Variants in AMD1 observed in about 807,000 individuals in gnomAD.
AMD1 encodes the protein S-adenosylmethionine decarboxylase proenzyme.
A neutral mutation model predicts 40.2 loss-of-function variants in AMD1; 11 were observed. The ratio of observed to expected loss-of-function variants is 0.27; its 90% CI spans 0.17 to 0.45. The LOEUF is 0.45. Among genes scored for constraint, AMD1 ranks in the 20% least tolerant of loss-of-function variants. The pLI is 1.00. For missense variants in AMD1, 257 were observed against 410.2 expected (o/e 0.63, Z 3.23); for synonymous variants, 121 against 130.8 (o/e 0.93, Z 0.51).
At chr6:110,858,419 T>A in the AMD1 span, 2 of 858,132 alleles carry the variant, frequency 2.3e-6, no homozygotes, top group Non-Finnish European at 3.9e-6. Flanking sequence ...GATTAGTTTA[T>A]GGACACTCAT....
the AMD1 span, among the ~76,000 whole-genome samples, chr6:110,856,940 G>T: frequency 6.6e-6 from 1 of 151,888 alleles, no homozygotes; most frequent in Admixed American, 6.6e-5. Context: ...AAGGCAGGTG[G>T]ATCATTTGAG....
chr6:110,880,521 A>C (rs1284383769), intron 1 of AMD1, among the ~76,000 whole-genome samples: 2 of 152,116 alleles, frequency 1.3e-5, no homozygotes, highest in East Asian at 3.9e-4. Flanking sequence ...ATCCATTTTG[A>C]GTTAATTTTT....
At chr6:110,872,219 T>C (rs1592206), upstream of AMD1, among the ~76,000 whole-genome samples, 112,417 of 152,036 alleles carry the variant, frequency 0.74, 42,135 homozygotes, top group Admixed American at 0.83. Flanking sequence ...ACCACACATA[T>C]AGACATGTCT....
the AMD1 span, among the ~76,000 whole-genome samples, chr6:110,817,999 T>G: frequency 6.6e-6 from 1 of 152,202 alleles, no homozygotes; most frequent in Non-Finnish European, 1.5e-5. Context: ...ACATCATATA[T>G]TCTGAGAAAT....
the AMD1 span, among the ~76,000 whole-genome samples, chr6:110,816,445 C>CA: frequency 6.6e-6 from 1 of 152,132 alleles, no homozygotes; most frequent in African/African-American, 2.4e-5. Flanking sequence ...TATGCCACCC[C>CA]AAAATACGCC....
chr6:110,831,853 A>T, the AMD1 span, among the ~76,000 whole-genome samples: 1 of 150,842 alleles, frequency 6.6e-6, no homozygotes, highest in Admixed American at 6.6e-5. Flanking sequence ...TAATTTATTT[A>T]TTTTTTTTTA....
chr6:110,892,793 C>T lies in AMD1; in HGVS notation c.674C>T (p.Pro225Leu). ...GTCATTGATGCCACAATGTTCAATC[C>T]TTGTGGGTATTCGATGAATGGAATG... ...GSVIDATMFN[P>L]CGYSMNGMKS... is the part of the protein sequence containing the mutation. The change falls in exon 7 of 9, where the codon CCT becomes CTT. Residue 225 changes from proline to leucine, a missense_variant. Physicochemically the swap from Pro to Leu is moderately conservative, Grantham distance 98 (BLOSUM62 -3). Around this residue, in one of 3 missense-constraint regions of AMD1, gnomAD observed 192 missense variants for 296.5 expected, o/e 0.65. Coordinates refer to ENST00000368885, the MANE Select transcript of AMD1 (RefSeq NM_001634.6). 1.2e-6 allele frequency: 2 copies of T among 1,614,010 alleles called. No individual in the cohort carries two copies. The highest frequency in any genetic ancestry group is 8.5e-7 in the Non-Finnish European group (1 of 1,179,962).
chr6:110,871,469 CA>C (rs2115261009), upstream of AMD1, among the ~76,000 whole-genome samples: 1 of 152,212 alleles, frequency 6.6e-6, no homozygotes, highest in Admixed American at 6.5e-5. Context: ...TTAGAAATAT[CA>C]ACAAGGCTAA....
At chr6:110,833,675 C>T in the AMD1 span, among the ~76,000 whole-genome samples, 1 of 152,094 alleles carries the variant, frequency 6.6e-6, no homozygotes, top group Non-Finnish European at 1.5e-5. Flanking sequence ...TAGACTAACT[C>T]CTCTTAAACT....
chr6:110,892,045 A>T lies in AMD1; in HGVS notation c.428-116A>T, dbSNP rs1786049521. 4 of 1,223,844 alleles carry T rather than the reference A, an allele frequency of 3.3e-6. No individual in the cohort carries two copies. The East Asian group carries it at 7.0e-5, about 21-fold the overall frequency. 75.8% of individuals were successfully genotyped at this position (1,223,844 alleles called of 1,614,324 possible). ...GCTACTATGCCCAGTCCACTGATGG[A>T]TGACATTTCTAATAAGTGGCAAATA... is the stretch of plus-strand genomic sequence containing the variant. On this transcript the variant is annotated intron_variant, in intron 4 of 8. Transcript: ENST00000368885.
the AMD1 span, among the ~76,000 whole-genome samples, chr6:110,863,183 G>A: frequency 1.4e-4 from 21 of 151,668 alleles, no homozygotes; most frequent in African/African-American, 5.1e-4. Context: ...CTGATCTCGT[G>A]ATCCGCCCGC....
chr6:110,815,196 C>G, the AMD1 span: 2 of 1,481,528 alleles, frequency 1.3e-6, no homozygotes, highest in East Asian at 2.7e-5. Context: ...GTCCCTCCTC[C>G]TCCTCCCCCC....
chr6:110,854,041 C>CT, the AMD1 span, among the ~76,000 whole-genome samples: 1 of 152,186 alleles, frequency 6.6e-6, no homozygotes, highest in African/African-American at 2.4e-5. Context: ...AATCCAGTGA[C>CT]TGATGCTTTA....
chr6:110,815,371 C>T, the AMD1 span: 4 of 383,564 alleles, frequency 1.0e-5, no homozygotes, highest in Non-Finnish European at 1.4e-5. Context: ...GGCGGCGGCT[C>T]CCGCAGGCAC....
the AMD1 span, among the ~76,000 whole-genome samples, chr6:110,818,063 A>G: frequency 6.6e-6 from 1 of 152,250 alleles, no homozygotes; most frequent in African/African-American, 2.4e-5. Flanking sequence ...GGATAAGAAA[A>G]TACTAAACAG....
intron 3 of AMD1, chr6:110,889,195 A>C (rs1361928861): frequency 5.5e-6 from 2 of 366,350 alleles, no homozygotes; most frequent in African/African-American, 4.2e-5. Context: ...TTCAAATGGG[A>C]GAAAGAAATG....
At chr6:110,857,639 G>GTA in the AMD1 span, among the ~76,000 whole-genome samples, 9 of 126,254 alleles carry the variant, frequency 7.1e-5, no homozygotes, top group South Asian at 8.3e-4. Flanking sequence ...TATATAGATG[G>GTA]TATATATATA....
upstream of AMD1, among the ~76,000 whole-genome samples, chr6:110,869,998 G>A (rs1405584767): frequency 4.6e-5 from 7 of 152,084 alleles, no homozygotes; most frequent in Admixed American, 3.9e-4. Flanking sequence ...CAATCCTCCC[G>A]CCTCAGCCTC....
intron 1 of AMD1, among the ~76,000 whole-genome samples, chr6:110,885,117 AGTTT>A (rs749086358): frequency 1.8e-4 from 28 of 152,018 alleles, no homozygotes; most frequent in Admixed American, 1.4e-3. Flanking sequence ...TCCCACGAGT[AGTTT>A]GTTTATTTTT....
Sources: allele counts gnomAD v4.1 joint callset (sites outside exome capture counted in the v4.1 genomes callset), GRCh38; gene constraint gnomAD v4.1.1; regional missense constraint gnomAD v4.1.1; transcripts MANE v1.5; gene names NCBI Gene and HGNC (gene_info 2026-07-23, HGNC 2026-07-21).